PPARGC1A: variants seen among roughly 807,000 people sequenced by gnomAD.
The protein encoded by PPARGC1A is peroxisome proliferator-activated receptor gamma coactivator 1-alpha.
PPARGC1A carries 25 observed loss-of-function variants against 88.7 expected under a neutral mutation model. The observed-to-expected ratio is 0.28, with a 90% confidence interval of 0.21 to 0.39. The LOEUF (loss-of-function observed/expected upper bound fraction) is 0.39. Ranked by LOEUF, PPARGC1A falls within the 10% of genes least tolerant of loss-of-function variation. PPARGC1A has a pLI of 1.00. For missense variants in PPARGC1A, 880 were observed against 968.7 expected (o/e 0.91, Z 1.22); for synonymous variants, 363 against 355.6 (o/e 1.02, Z -0.24).
At chr4:24,258,372 A>G in the PPARGC1A span, among the ~76,000 whole-genome samples, 3 of 152,176 alleles carry the variant, frequency 2.0e-5, no homozygotes, top group Non-Finnish European at 4.4e-5. Flanking sequence ...GAATTCAGTA[A>G]TGGGAGAACA....
chr4:23,802,956 T>C (rs1276915948), intron 10 of PPARGC1A, among the ~76,000 whole-genome samples: 3 of 152,176 alleles, frequency 2.0e-5, no homozygotes, highest in South Asian at 2.1e-4. Flanking sequence ...GAAATCTGTA[T>C]AGTGCATTCT....
the PPARGC1A span, among the ~76,000 whole-genome samples, chr4:24,430,956 A>T: frequency 6.7e-6 from 1 of 150,338 alleles, no homozygotes; most frequent in Admixed American, 6.6e-5. Flanking sequence ...TTTCTCTACT[A>T]AAAAAAAATA....
At chr4:23,868,312 C>A (rs1038134077) in intron 2 of PPARGC1A, among the ~76,000 whole-genome samples, 3 of 150,200 alleles carry the variant, frequency 2.0e-5, no homozygotes, top group African/African-American at 7.3e-5. Context: ...GGCAGACACA[C>A]AGCATACTGC....
the PPARGC1A span, among the ~76,000 whole-genome samples, chr4:24,413,027 G>A: frequency 1.3e-5 from 2 of 152,188 alleles, no homozygotes; most frequent in African/African-American, 4.8e-5. Context: ...ACCAACAAAT[G>A]AGAAAATATA....
At chr4:24,114,625 C>T in the PPARGC1A span, among the ~76,000 whole-genome samples, 13 of 152,130 alleles carry the variant, frequency 8.5e-5, no homozygotes, top group African/African-American at 1.7e-4. Flanking sequence ...ACAACATTTA[C>T]GCAGGGTTGA....
At chr4:24,132,371 A>G in the PPARGC1A span, among the ~76,000 whole-genome samples, 37 of 152,160 alleles carry the variant, frequency 2.4e-4, no homozygotes, top group African/African-American at 8.9e-4. Context: ...TAACTGCTGT[A>G]AAGTTCATTT....
chr4:23,927,582 T>G, the PPARGC1A span, among the ~76,000 whole-genome samples: 1 of 152,218 alleles, frequency 6.6e-6, no homozygotes, highest in African/African-American at 2.4e-5. Flanking sequence ...TAATCCCTCC[T>G]GAGCACCTGT....
the PPARGC1A span, among the ~76,000 whole-genome samples, chr4:23,961,051 G>C: frequency 6.6e-6 from 1 of 152,148 alleles, no homozygotes; most frequent in Non-Finnish European, 1.5e-5. Context: ...ATGTGTATGT[G>C]TGCGTGTGTA....
chr4:23,847,404 C>T (rs1264600006), intron 2 of PPARGC1A, among the ~76,000 whole-genome samples: 1 of 152,192 alleles, frequency 6.6e-6, no homozygotes, highest in Non-Finnish European at 1.5e-5. Context: ...CATTACCACT[C>T]ATACCCTGTT....
the PPARGC1A span, among the ~76,000 whole-genome samples, chr4:24,196,133 C>T: frequency 1.3e-5 from 2 of 152,174 alleles, no homozygotes; most frequent in East Asian, 3.9e-4. Flanking sequence ...TTGTTGAATG[C>T]CACCACCCTC....
chr4:23,888,260 C>A (rs567976082), intron 1 of PPARGC1A, among the ~76,000 whole-genome samples: 15 of 152,284 alleles, frequency 9.9e-5, no homozygotes, highest in African/African-American at 3.4e-4. Flanking sequence ...GACAAGTAGC[C>A]AAGACCTTTC....
At chr4:24,386,360 T>A in the PPARGC1A span, among the ~76,000 whole-genome samples, 5 of 152,228 alleles carry the variant, frequency 3.3e-5, no homozygotes, top group East Asian at 9.7e-4. Flanking sequence ...CTCACCACTC[T>A]TATTCAACAT....
intron 12 of PPARGC1A, among the ~76,000 whole-genome samples, chr4:23,799,148 C>T (rs1718181939): frequency 1.3e-5 from 2 of 152,216 alleles, no homozygotes; most frequent in African/African-American, 4.8e-5. Flanking sequence ...TTCTTATGCC[C>T]TGAAATGTGC....
At chr4:24,244,977 T>C in the PPARGC1A span, among the ~76,000 whole-genome samples, 1 of 148,536 alleles carries the variant, frequency 6.7e-6, no homozygotes, top group Admixed American at 6.7e-5. Flanking sequence ...TTTTTAAGAA[T>C]GGAGAAAAAA....
At chr4:23,901,287 G>A (rs181497519), upstream of PPARGC1A, among the ~76,000 whole-genome samples, 1 of 150,890 alleles carries the variant, frequency 6.6e-6, no homozygotes, top group African/African-American at 2.4e-5. Flanking sequence ...GGAGAATGGC[G>A]TGAACCCGGG....
At chr4:24,406,604 A>T in the PPARGC1A span, among the ~76,000 whole-genome samples, 1 of 152,204 alleles carries the variant, frequency 6.6e-6, no homozygotes, top group Admixed American at 6.5e-5. Context: ...CCTTTCAAAC[A>T]TTGTTAAGAA....
chr4:23,864,498 C>A (rs1236200336), intron 2 of PPARGC1A, among the ~76,000 whole-genome samples: 1 of 152,176 alleles, frequency 6.6e-6, no homozygotes, highest in Non-Finnish European at 1.5e-5. Context: ...CAGCAACCAG[C>A]CCTGGCAGGG....
chr4:24,054,858 A>T, the PPARGC1A span, among the ~76,000 whole-genome samples: 1 of 151,856 alleles, frequency 6.6e-6, no homozygotes, highest in Non-Finnish European at 1.5e-5. Flanking sequence ...ACTCCATCAT[A>T]GCAGCAGTAG....
chr4:23,949,302 A>T, the PPARGC1A span, among the ~76,000 whole-genome samples: 1 of 152,186 alleles, frequency 6.6e-6, no homozygotes, highest in Non-Finnish European at 1.5e-5. Flanking sequence ...AAACAAAGAA[A>T]ACATAACGAC....
Sources: gnomAD v4.1 joint callset for allele counts (sites outside exome capture counted in the v4.1 genomes callset) on GRCh38, gnomAD v4.1.1 for gene constraint, MANE v1.5 for transcripts, NCBI Gene and HGNC (gene_info 2026-07-23, HGNC 2026-07-21) for gene names.